The following PUDP variants were observed in gnomAD, a reference collection of about 807,000 sequenced individuals.
PUDP encodes the protein pseudouridine-5'-phosphatase.
A neutral mutation model predicts 9.4 loss-of-function variants in PUDP; 8 were observed. The observed-to-expected ratio is 0.85, with a 90% CI of 0.50 to 1.53. The LOEUF is 1.53. Among genes scored for constraint, PUDP ranks in the 40% most tolerant of loss-of-function variants. The pLI is 0.00. For missense variants in PUDP, 188 were observed against 189.7 expected, an observed-to-expected ratio of 0.99 and a Z score of 0.05; for synonymous variants, 99 against 80.7, an observed-to-expected ratio of 1.23 and a Z score of -1.22.
intron 1 of PUDP, among the ~76,000 whole-genome samples, chrX:7,011,405 A>C (rs1569139314): frequency 9.0e-6 from 1 of 111,597 alleles, no homozygotes; most frequent in Non-Finnish European, 1.9e-5. Flanking sequence ...TGTGTCTGGT[A>C]GTGGAAAATA....
intron 1 of PUDP, among the ~76,000 whole-genome samples, chrX:6,719,794 A>T (rs1218968769): frequency 1.8e-5 from 2 of 112,145 alleles, no homozygotes; most frequent in Non-Finnish European, 3.8e-5. Context: ...TAATTTTCTC[A>T]ATTAATATTC....
chrX:7,021,513 G>A (rs1929633538), intron 1 of PUDP, among the ~76,000 whole-genome samples: 1 of 111,905 alleles, frequency 8.9e-6, no homozygotes, highest in Non-Finnish European at 1.9e-5. Context: ...ATGAACTGTT[G>A]GTTAAACCGT....
intron 3 of PUDP, among the ~76,000 whole-genome samples, chrX:6,901,023 G>A (rs1465989897): frequency 1.8e-5 from 2 of 110,995 alleles, no homozygotes; most frequent in African/African-American, 3.3e-5. Flanking sequence ...TGATCCGCCC[G>A]CCTCGGCCTC....
intron 3 of PUDP, among the ~76,000 whole-genome samples, chrX:6,904,886 C>A (rs1215430113): frequency 9.0e-6 from 1 of 111,645 alleles, no homozygotes; most frequent in African/African-American, 3.3e-5. Context: ...TCTAAGCACA[C>A]TGAATTTTCT....
chrX:6,950,479 C>T (rs1343778792), intron 3 of PUDP, among the ~76,000 whole-genome samples: 2 of 81,103 alleles, frequency 2.5e-5, no homozygotes, highest in Non-Finnish European at 4.6e-5. Flanking sequence ...GGTGTGATCT[C>T]GGCTCACTGC....
At chrX:6,998,792 T>C (rs1156338429) in intron 1 of PUDP, among the ~76,000 whole-genome samples, 2 of 112,157 alleles carry the variant, frequency 1.8e-5, no homozygotes, top group Admixed American at 1.9e-4. Flanking sequence ...TATTATAGTC[T>C]CTGATGAACA....
At chrX:6,730,824 G>A (rs1445174555) in intron 3 of PUDP, among the ~76,000 whole-genome samples, 1 of 111,980 alleles carries the variant, frequency 8.9e-6, no homozygotes, top group Non-Finnish European at 1.9e-5. Context: ...GGCACCAAGT[G>A]ACAGACCTGA....
chrX:7,017,366 A>G (rs1261307025), intron 1 of PUDP, among the ~76,000 whole-genome samples: 1 of 111,944 alleles, frequency 8.9e-6, no homozygotes, highest in Non-Finnish European at 1.9e-5. Flanking sequence ...TTCACAGCCC[A>G]TGAGAGCAGC....
At chrX:6,978,415 C>T in intron 1 of PUDP, among the ~76,000 whole-genome samples, 1 of 111,401 alleles carries the variant, frequency 9.0e-6, no homozygotes, top group South Asian at 3.8e-4. Context: ...TTCATTTTTC[C>T]CTGTGCTGTT....
chrX:7,055,807 A>C (rs1447833642), intron 3 of PUDP, among the ~76,000 whole-genome samples: 1 of 112,225 alleles, frequency 8.9e-6, no homozygotes, highest in Non-Finnish European at 1.9e-5. Context: ...ATATAAGCTA[A>C]ATACAGTTTA....
chrX:6,800,432 C>T (rs1355052072), intron 3 of PUDP, among the ~76,000 whole-genome samples: 13 of 111,590 alleles, frequency 1.2e-4, no homozygotes, highest in Admixed American at 1.0e-3. Context: ...TTCCTACAGA[C>T]GACAGTTATT....
intron 3 of PUDP, among the ~76,000 whole-genome samples, chrX:7,052,441 C>T (rs1309710284): frequency 1.8e-5 from 2 of 111,820 alleles, no homozygotes; most frequent in Non-Finnish European, 3.8e-5. Context: ...AAGCCTGATG[C>T]CAGGTCTGAA....
chrX:6,959,090 G>T (rs762390221), intron 3 of PUDP, among the ~76,000 whole-genome samples: 9 of 112,183 alleles, frequency 8.0e-5, no homozygotes, highest in South Asian at 3.7e-4. Flanking sequence ...AAGAATGAAA[G>T]AGCATTTTCA....
chrX:7,002,685 G>C, intron 1 of PUDP, among the ~76,000 whole-genome samples: 1 of 111,303 alleles, frequency 9.0e-6, no homozygotes, highest in Non-Finnish European at 1.9e-5. Context: ...GACTCACCTG[G>C]GGAGTGTAGT....
intron 2 of PUDP, among the ~76,000 whole-genome samples, chrX:7,098,384 G>A (rs184463331): frequency 1.8e-5 from 2 of 111,631 alleles, no homozygotes; most frequent in East Asian, 5.7e-4. Flanking sequence ...GGTGACAGAG[G>A]AATGGAAGAG....
chrX:7,068,239 T>C (rs1276744989), intron 3 of PUDP, among the ~76,000 whole-genome samples: 2 of 112,352 alleles, frequency 1.8e-5, no homozygotes, highest in African/African-American at 3.2e-5. Flanking sequence ...TAAAACTAAA[T>C]GACAGTGTGT....
chrX:6,769,219 T>C lies in PUDP; in HGVS notation c.*248-62753A>G, dbSNP rs145220222. 4.5e-3 allele frequency among the ~76,000 whole-genome samples: 499 copies of C among 111,927 alleles called. 3 individuals carry two copies. Among genetic ancestry groups the C allele is most frequent in the African/African-American group, 0.014 (427 of 30,832 alleles). ...AGGGGCTTTCTGCTCAATTTCAACATGGAAGAAGTGAAAAAGATTTTGCAG... is the reference window on the plus strand; with the variant it reads ...AGGGGCTTTCTGCTCAATTTCAACACGGAAGAAGTGAAAAAGATTTTGCAG... On this transcript the variant is annotated intron_variant and NMD_transcript_variant, in intron 3 of 3. Coordinates refer to the PUDP transcript ENST00000655425.
intron 1 of PUDP, among the ~76,000 whole-genome samples, chrX:7,140,837 G>A (rs1021956399): frequency 3.7e-4 from 42 of 112,210 alleles, no homozygotes; most frequent in African/African-American, 1.3e-3. Context: ...CATGTCTCAC[G>A]TGACGTGTCT....
chrX:7,074,907 G>A (rs903713804), intron 3 of PUDP, among the ~76,000 whole-genome samples: 3 of 112,207 alleles, frequency 2.7e-5, no homozygotes, highest in Non-Finnish European at 5.6e-5. Context: ...TCTCAGGCAC[G>A]TCCCACGTTA....
Sources: gnomAD v4.1 joint callset for allele counts (sites outside exome capture counted in the v4.1 genomes callset) on GRCh38, gnomAD v4.1.1 for gene constraint, MANE v1.5 for transcripts, NCBI Gene and HGNC (gene_info 2026-07-23, HGNC 2026-07-21) for gene names.